LEPR: variants seen among roughly 807,000 people sequenced by gnomAD.
LEPR encodes OB receptor.
In LEPR, 56 loss-of-function variants were observed where a neutral mutation model predicts 114.7. The observed-to-expected ratio is 0.49, with a 90% CI of 0.39 to 0.61. The LOEUF (loss-of-function observed/expected upper bound fraction) is 0.61, where lower values mean the gene tolerates loss of function less well. LEPR is among the 20% of genes least tolerant of loss of function. The pLI is 0.00. For missense variants in LEPR, 1,202 were observed against 1,352.9 expected, an observed-to-expected ratio of 0.89 and a Z score of 1.75; for synonymous variants, 443 against 461.4, an observed-to-expected ratio of 0.96 and a Z score of 0.51.
At chr1:65,452,829 G>T (rs1208675633) in intron 2 of LEPR, among the ~76,000 whole-genome samples, 1 of 151,286 alleles carries the variant, frequency 6.6e-6, no homozygotes, top group East Asian at 2.0e-4. Flanking sequence ...TTTTTCTATT[G>T]ATTGGAGTAG....
chr1:65,627,381 T>A (rs552300405), intron 19 of LEPR, among the ~76,000 whole-genome samples: 1 of 152,288 alleles, frequency 6.6e-6, no homozygotes, highest in African/African-American at 2.4e-5. Context: ...GAAAATATCC[T>A]CAGTGTCATT....
chr1:65,456,007 G>A (rs1026827181), intron 2 of LEPR, among the ~76,000 whole-genome samples: 2 of 152,148 alleles, frequency 1.3e-5, no homozygotes, highest in African/African-American at 4.8e-5. Flanking sequence ...TAAGCCCGTC[G>A]GAAAAGCACA....
intron 16 of LEPR, 33 bp downstream of exon 16, chr1:65,618,179 A>G: frequency 1.9e-6 from 3 of 1,565,028 alleles, no homozygotes; most frequent in Non-Finnish European, 2.6e-6. Context: ...AGTTGCTCTC[A>G]TGGATTAATA....
intron 2 of LEPR, among the ~76,000 whole-genome samples, chr1:65,546,358 GC>G (rs1389909232): frequency 6.6e-6 from 1 of 152,210 alleles, no homozygotes; most frequent in African/African-American, 2.4e-5. Flanking sequence ...GTCATTGGCA[GC>G]TTGATGCGGA....
chr1:65,503,863 T>C (rs1648589403), intron 2 of LEPR, among the ~76,000 whole-genome samples: 1 of 151,636 alleles, frequency 6.6e-6, no homozygotes, highest in African/African-American at 2.4e-5. Context: ...GAGGTCAAGA[T>C]ACAAGGATAC....
intron 5 of LEPR, chr1:65,578,291 G>A (rs987245044): frequency 8.7e-6 from 2 of 230,990 alleles, no homozygotes; most frequent in Non-Finnish European, 9.0e-6. Context: ...TCACTTCACC[G>A]AAGTTGAAAT....
At chr1:65,451,515 T>C (rs1393227859) in intron 2 of LEPR, among the ~76,000 whole-genome samples, 11 of 151,776 alleles carry the variant, frequency 7.2e-5, no homozygotes, top group South Asian at 2.1e-4. Flanking sequence ...GTTTTCCCAG[T>C]ACCATTTATT....
chr1:65,430,924 G>A (rs1201672791), intron 2 of LEPR, among the ~76,000 whole-genome samples: 4 of 152,156 alleles, frequency 2.6e-5, no homozygotes, highest in African/African-American at 9.7e-5. Flanking sequence ...CATTTGTATT[G>A]AGGTAGGATG....
At position 65,457,981 on chromosome 1, in the gene LEPR, A is replaced by G. The variant is rs1020650892; in HGVS notation, c.-21+32603A>G. 6.6e-5 allele frequency among the ~76,000 whole-genome samples: 10 copies of G among 152,318 alleles called. No homozygotes were observed. The South Asian group carries it at 8.3e-4, about 13-fold the overall frequency. On this transcript the variant is annotated intron_variant, in intron 2 of 19. Transcript: ENST00000349533. ...ATCTTGAGTACACTTGAGTTAGCCT[A>G]TGATACATGAATACCTACAAAGTTG...
intron 11 of LEPR, among the ~76,000 whole-genome samples, chr1:65,606,603 G>A (rs775998387): frequency 7.9e-5 from 12 of 152,064 alleles, no homozygotes; most frequent in African/African-American, 2.7e-4. Flanking sequence ...AGGGAATCAC[G>A]TAAACTATTG....
At chr1:65,531,004 T>A (rs1650354289) in intron 2 of LEPR, among the ~76,000 whole-genome samples, 1 of 152,158 alleles carries the variant, frequency 6.6e-6, no homozygotes, top group South Asian at 2.1e-4. Flanking sequence ...CCTTTTATAA[T>A]GCATGTCGGA....
intron 2 of LEPR, among the ~76,000 whole-genome samples, chr1:65,552,192 G>C (rs1407509699): frequency 6.6e-6 from 1 of 152,150 alleles, no homozygotes; most frequent in Admixed American, 6.5e-5. Context: ...GTTGATTTGG[G>C]GTGGAGAGTT....
At chr1:65,529,794 A>AACAGT (rs1650258336) in intron 2 of LEPR, among the ~76,000 whole-genome samples, 1 of 152,194 alleles carries the variant, frequency 6.6e-6, no homozygotes, top group African/African-American at 2.4e-5. Flanking sequence ...TGCTCCTTGA[A>AACAGT]ACAGTCCCTT....
intron 1 of LEPR, among the ~76,000 whole-genome samples, chr1:65,421,809 A>G (rs1646257186): frequency 6.6e-6 from 1 of 152,206 alleles, no homozygotes; most frequent in Admixed American, 6.5e-5. Flanking sequence ...ATGATCAGAA[A>G]CTACCAAATC....
At chr1:65,435,864 G>A (rs1411816050) in intron 2 of LEPR, 1 of 983,612 alleles carries the variant, frequency 1.0e-6, no homozygotes, top group Admixed American at 6.2e-5. Flanking sequence ...GTACCTTATT[G>A]CAAAAATCCC....
chr1:65,429,430 G>C (rs1000388537), intron 2 of LEPR, among the ~76,000 whole-genome samples: 1 of 152,186 alleles, frequency 6.6e-6, no homozygotes, highest in Admixed American at 6.5e-5. Flanking sequence ...GGCTTTGTAG[G>C]CTAGGGCAAG....
intron 19 of LEPR, among the ~76,000 whole-genome samples, chr1:65,625,126 T>G (rs745929974): frequency 4.3e-4 from 66 of 152,148 alleles, no homozygotes; most frequent in East Asian, 9.6e-4. Flanking sequence ...CAGAGAGAGA[T>G]ATATATATGT....
intron 2 of LEPR, among the ~76,000 whole-genome samples, chr1:65,515,491 A>G (rs977086277): frequency 6.6e-6 from 1 of 152,226 alleles, no homozygotes; most frequent in Non-Finnish European, 1.5e-5. Flanking sequence ...ATTTTTTAAT[A>G]TAAGTTATAG....
intron 2 of LEPR, among the ~76,000 whole-genome samples, chr1:65,484,875 G>A (rs752169639): frequency 6.6e-6 from 1 of 152,140 alleles, no homozygotes; most frequent in Non-Finnish European, 1.5e-5. Context: ...GATGGTTAAA[G>A]GATACTGCTA....
Sources: allele counts gnomAD v4.1 joint callset (sites outside exome capture counted in the v4.1 genomes callset), GRCh38; gene constraint gnomAD v4.1.1; transcripts MANE v1.5; gene names NCBI Gene and HGNC (gene_info 2026-07-23, HGNC 2026-07-21).